Variants in DLG2 observed in about 807,000 individuals in gnomAD.
DLG2 encodes discs large MAGUK scaffold protein 2, also known as disks large homolog 2.
DLG2 carries 45 observed loss-of-function variants against 132.5 expected under a neutral mutation model. The ratio of observed to expected loss-of-function variants is 0.34; its 90% CI spans 0.27 to 0.44. The LOEUF (loss-of-function observed/expected upper bound fraction) is 0.44. DLG2 is among the 20% of genes least tolerant of loss of function. DLG2 has a pLI of 1.00. For missense variants in DLG2, 1,045 were observed against 1,196.9 expected (o/e 0.87, Z 1.87); for synonymous variants, 424 against 419.6 (o/e 1.01, Z -0.13).
intron 6 of DLG2, among the ~76,000 whole-genome samples, chr11:84,685,094 A>G (rs2099736975): frequency 6.6e-6 from 1 of 152,226 alleles, no homozygotes; most frequent in African/African-American, 2.4e-5. Context: ...AGAGACACAG[A>G]AACTAAGTTC....
intron 11 of DLG2, among the ~76,000 whole-genome samples, chr11:84,004,483 C>T (rs914997034): frequency 6.6e-6 from 1 of 151,976 alleles, no homozygotes; most frequent in Admixed American, 6.6e-5. Context: ...TAACATCATA[C>T]TGAATGGAGA....
At chr11:85,016,817 T>C (rs2059613970) in intron 6 of DLG2, among the ~76,000 whole-genome samples, 1 of 152,096 alleles carries the variant, frequency 6.6e-6, no homozygotes, top group Admixed American at 6.6e-5. Flanking sequence ...GGTTATTAGG[T>C]GTGTTCTCCC....
intron 6 of DLG2, among the ~76,000 whole-genome samples, chr11:84,999,040 A>G (rs1486771551): frequency 1.3e-5 from 2 of 151,876 alleles, no homozygotes; most frequent in Non-Finnish European, 2.9e-5. Context: ...GCATCAGCTT[A>G]GTCTACCATT....
chr11:84,089,076 T>G (rs922410728), intron 10 of DLG2, among the ~76,000 whole-genome samples: 4 of 152,142 alleles, frequency 2.6e-5, no homozygotes, highest in African/African-American at 9.7e-5. Context: ...CTTGTGGGGT[T>G]TTTTTATTTG....
At chr11:84,429,234 T>C (rs896927622) in intron 7 of DLG2, among the ~76,000 whole-genome samples, 2 of 152,218 alleles carry the variant, frequency 1.3e-5, no homozygotes, top group South Asian at 2.1e-4. Flanking sequence ...TGCTAGGTGC[T>C]GAGAATACAA....
intron 3 of DLG2, among the ~76,000 whole-genome samples, chr11:85,310,724 C>T (rs2080261295): frequency 6.6e-6 from 1 of 152,152 alleles, no homozygotes; most frequent in Non-Finnish European, 1.5e-5. Context: ...TTACAGCCAT[C>T]GTGCTATTCT....
chr11:83,717,607 G>A (rs555209537), intron 18 of DLG2, among the ~76,000 whole-genome samples: 69 of 152,296 alleles, frequency 4.5e-4, no homozygotes, highest in African/African-American at 1.6e-3. Context: ...TAGCTGTCAC[G>A]ACAGTTGATT....
chr11:84,707,943 C>A (rs925853280), intron 6 of DLG2, among the ~76,000 whole-genome samples: 4 of 151,758 alleles, frequency 2.6e-5, no homozygotes, highest in African/African-American at 9.7e-5. Context: ...GAGGGACAAA[C>A]AAGAAAAATA....
chr11:83,542,067 T>A (rs2096084749), intron 19 of DLG2, among the ~76,000 whole-genome samples: 1 of 91,138 alleles, frequency 1.1e-5, no homozygotes. Flanking sequence ...GTTACAGGGG[T>A]GGCCTATAGA....
At chr11:84,607,609 C>T (rs1022937585) in intron 6 of DLG2, among the ~76,000 whole-genome samples, 9 of 151,948 alleles carry the variant, frequency 5.9e-5, no homozygotes, top group Admixed American at 4.6e-4. Flanking sequence ...CAGTTTACTC[C>T]TTTTTTTAAT....
intron 6 of DLG2, among the ~76,000 whole-genome samples, chr11:84,744,837 G>A (rs752899646): frequency 4.7e-5 from 7 of 149,044 alleles, no homozygotes; most frequent in Admixed American, 1.3e-4. Flanking sequence ...CTAAGCATGA[G>A]GAATTTTTTT....
intron 6 of DLG2, among the ~76,000 whole-genome samples, chr11:84,779,187 T>G (rs867781236): frequency 7.1e-6 from 1 of 141,678 alleles, no homozygotes; most frequent in African/African-American, 2.6e-5. Context: ...CATATATATA[T>G]ATGTGCGCAC....
chr11:83,910,509 G>T (rs1282515348), intron 15 of DLG2, among the ~76,000 whole-genome samples: 1 of 152,052 alleles, frequency 6.6e-6, no homozygotes, highest in Non-Finnish European at 1.5e-5. Context: ...TAGCATGGTA[G>T]AATGACTGCA....
intron 6 of DLG2, among the ~76,000 whole-genome samples, chr11:85,100,073 GA>G (rs2070627754): frequency 6.6e-6 from 1 of 152,012 alleles, no homozygotes; most frequent in Admixed American, 6.6e-5. Context: ...ATCACCATCA[GA>G]AAAAAATTAA....
At position 84,565,214 on chromosome 11, in the gene DLG2, T is replaced by C. The variant is rs981247654; in HGVS notation, c.358-30483A>G. 3.3e-5 allele frequency among the ~76,000 whole-genome samples: 5 copies of C among 152,136 alleles called. No individual in the cohort carries two copies. In the East Asian group the frequency reaches 7.7e-4, roughly 23 times the overall value. On this transcript the variant is annotated intron_variant, in intron 6 of 27. Coordinates refer to ENST00000376104, the MANE Select transcript of DLG2 (RefSeq NM_001142699.3). ...AAATAGAGGCTTCTGACAAAGAAAA[T>C]AGGTCTCAGTCAGTACTGCGCACTC...
Position 83,976,017 on chromosome 11 carries a change from G to A in DLG2, c.1056+4489C>T, listed in dbSNP as rs1440437101. ...CACCAAGCAAGAGTTGATAAAAGAT[G>A]ACCTTTAAGATACATACGTTAAATT... On this transcript the variant is annotated intron_variant, in intron 12 of 27. Coordinates refer to ENST00000376104, the MANE Select transcript of DLG2 (RefSeq NM_001142699.3). 4.6e-5 allele frequency among the ~76,000 whole-genome samples: 7 copies of A among 151,802 alleles called. No individual in the cohort carries two copies. In the Admixed American group the frequency reaches 4.6e-4, roughly 10 times the overall value.
At chr11:84,314,206 G>A (rs2154393609) in intron 7 of DLG2, among the ~76,000 whole-genome samples, 1 of 152,300 alleles carries the variant, frequency 6.6e-6, no homozygotes, top group Non-Finnish European at 1.5e-5. Flanking sequence ...GGCACATTCT[G>A]TACCACATGT....
intron 2 of DLG2, among the ~76,000 whole-genome samples, chr11:85,601,550 A>T (rs1194402735): frequency 6.6e-6 from 1 of 152,130 alleles, no homozygotes; most frequent in Non-Finnish European, 1.5e-5. Flanking sequence ...CACGTTGGCC[A>T]GGATGGTCTT....
chr11:84,600,970 A>G (rs2099575427), intron 6 of DLG2, among the ~76,000 whole-genome samples: 1 of 152,176 alleles, frequency 6.6e-6, no homozygotes, highest in African/African-American at 2.4e-5. Flanking sequence ...AGGTAAAAAT[A>G]AAAGCTTACA....
Sources: allele counts gnomAD v4.1 joint callset (sites outside exome capture counted in the v4.1 genomes callset), GRCh38; gene constraint gnomAD v4.1.1; transcripts MANE v1.5; gene names NCBI Gene and HGNC (gene_info 2026-07-23, HGNC 2026-07-21).